ADAM12: variants seen among roughly 807,000 people sequenced by gnomAD.
ADAM12 encodes the protein ADAM metallopeptidase domain 12.
Under a neutral mutation model 106.4 loss-of-function variants are expected in ADAM12, and 70 were observed. The observed-to-expected ratio is 0.66, with a 90% CI of 0.54 to 0.80. ADAM12 has a LOEUF of 0.80. ADAM12 is among the 30% of genes least tolerant of loss of function. ADAM12 has a pLI of 0.00. For synonymous variants in ADAM12, 420 were observed against 433.5 expected, an observed-to-expected ratio of 0.97 and a Z score of 0.39; for missense variants, 1,010 against 1,171.9, an observed-to-expected ratio of 0.86 and a Z score of 2.02.
intron 6 of ADAM12, among the ~76,000 whole-genome samples, chr10:126,110,974 G>A (rs1371151597): frequency 1.3e-5 from 2 of 152,118 alleles, no homozygotes; most frequent in Non-Finnish European, 2.9e-5. Context: ...CACTCTTTCA[G>A]ACAAAAGCAA....
chr10:126,162,545 C>T (rs551823188), intron 3 of ADAM12, among the ~76,000 whole-genome samples: 2 of 152,246 alleles, frequency 1.3e-5, no homozygotes, highest in South Asian at 4.1e-4. Flanking sequence ...AGCCGCCAAA[C>T]ACGGAAGGGA....
chr10:126,051,502 C>T (rs1165147041), intron 14 of ADAM12, among the ~76,000 whole-genome samples: 4 of 38,462 alleles, frequency 1.0e-4, no homozygotes, highest in Non-Finnish European at 2.6e-4. Flanking sequence ...TCCATCCACC[C>T]GTCCATCCAT....
chr10:126,326,249 T>C (rs374012912), intron 2 of ADAM12, among the ~76,000 whole-genome samples: 1 of 152,036 alleles, frequency 6.6e-6, no homozygotes, highest in Non-Finnish European at 1.5e-5. Flanking sequence ...CCTCAAACCA[T>C]TTAAATTAAC....
intron 2 of ADAM12, among the ~76,000 whole-genome samples, chr10:126,295,938 C>A (rs951003946): frequency 2.0e-5 from 3 of 151,880 alleles, no homozygotes; most frequent in Non-Finnish European, 4.4e-5. Flanking sequence ...CATAAACACA[C>A]ACACACATAA....
At chr10:126,358,578 G>T (rs143291651) in intron 1 of ADAM12, among the ~76,000 whole-genome samples, 1 of 152,024 alleles carries the variant, frequency 6.6e-6, no homozygotes, top group African/African-American at 2.4e-5. Flanking sequence ...TCTAAGATCC[G>T]GAACAAGACA....
In ADAM12 at chr10:126,098,449, C is replaced by T; in HGVS notation, c.963G>A (p.Met321Ile). The T allele has an allele frequency of 1.9e-6, 3 of 1,614,170 alleles. 1 individual carries two copies. The South Asian group carries it at 3.3e-5, about 18-fold the overall frequency. ...TTCCCCCAGACTGGTCTGCCGTGCA[C>T]ATGCTCATGATTGGGGCCATGCCGA... ...TTIGMAPIMS[M>I]CTADQSGGIV... Residue 321 changes from methionine to isoleucine, a missense_variant, in exon 10 of 23, where the codon ATG becomes ATA. Around this residue, in one of 3 missense-constraint regions of ADAM12, gnomAD observed 391 missense variants for 442.9 expected, o/e 0.88. Coordinates refer to ENST00000448723, the MANE Select transcript of ADAM12 (RefSeq NM_001288973.2).
At chr10:126,130,076 TC>T (rs1362801013) in intron 5 of ADAM12, among the ~76,000 whole-genome samples, 7 of 152,206 alleles carry the variant, frequency 4.6e-5, no homozygotes. Flanking sequence ...CACCCCAGCT[TC>T]CCTCCAGGTT....
intron 3 of ADAM12, among the ~76,000 whole-genome samples, chr10:126,202,514 TCTCTCTCTTTAA>T (rs1437021830): frequency 1.3e-5 from 2 of 152,136 alleles, no homozygotes; most frequent in Non-Finnish European, 2.9e-5. Flanking sequence ...TCTCTCTCTC[TCTCTCTCTTTAA>T]CCAGAAGAAG....
rs372970208 is a variant in ADAM12, at chr10:126,098,542, C to T, written c.912-42G>A. 7.8e-5 allele frequency: 117 copies of T among 1,505,518 alleles called. 1 individual carries two copies. The highest frequency in any genetic ancestry group is 5.6e-4 in the South Asian group (49 of 88,050). The allele number at this position is 1,505,518 out of a possible 1,614,324, so 93.3% of individuals were successfully genotyped here. A position where few individuals can be genotyped will look rare whatever the true frequency, so the allele number is the denominator to read the frequency against. On this transcript the variant is annotated intron_variant, in intron 9 of 22. Transcript: ENST00000448723. ...AGGACTTTCTTTAATCAAATTAGAA[C>T]GGGGGCATTCTCTAATATTTAAAAA...
intron 3 of ADAM12, among the ~76,000 whole-genome samples, chr10:126,263,708 T>C (rs1024152036): frequency 6.6e-6 from 1 of 152,200 alleles, no homozygotes; most frequent in Non-Finnish European, 1.5e-5. Flanking sequence ...TATGATAGGG[T>C]AAAAACCAAT....
intron 3 of ADAM12, among the ~76,000 whole-genome samples, chr10:126,177,493 C>A (rs1457120890): frequency 6.6e-6 from 1 of 152,164 alleles, no homozygotes; most frequent in Non-Finnish European, 1.5e-5. Flanking sequence ...TAAGACCACA[C>A]AGCTAATAAA....
chr10:126,137,078 A>T (rs1956418793), intron 4 of ADAM12, among the ~76,000 whole-genome samples: 1 of 152,140 alleles, frequency 6.6e-6, no homozygotes, highest in African/African-American at 2.4e-5. Flanking sequence ...TCTGACAATT[A>T]GCTCTTTAAT....
At chr10:126,268,870 C>T (rs72828714) in intron 3 of ADAM12, among the ~76,000 whole-genome samples, 7,737 of 152,234 alleles carry the variant, frequency 0.051, 285 homozygotes, top group Admixed American at 0.11. Flanking sequence ...GGTTCCCGAT[C>T]CAGACCCCAA....
intron 8 of ADAM12, among the ~76,000 whole-genome samples, chr10:126,104,239 T>G (rs1955721368): frequency 6.6e-6 from 1 of 151,956 alleles, no homozygotes; most frequent in African/African-American, 2.4e-5. Context: ...CACTTGAGGT[T>G]AGGAGTTTGA....
intron 21 of ADAM12, among the ~76,000 whole-genome samples, chr10:126,032,547 C>G (rs1022606763): frequency 6.6e-6 from 1 of 152,094 alleles, no homozygotes; most frequent in East Asian, 1.9e-4. Context: ...AAAAAAACAC[C>G]AGCAGTAGGA....
In ADAM12 at chr10:126,152,740, C is replaced by T. The variant is rs116857387; in HGVS notation, c.339+2487G>A. On this transcript the variant is annotated intron_variant, in intron 4 of 22. Transcript: ENST00000448723. The stretch of plus-strand genomic sequence containing the variant: ...TGTTTTCATTTTTACAAAGAGATTC[C>T]ATCTATTTACATATAATGAGATTAA... 3.5e-3 allele frequency among the ~76,000 whole-genome samples: 538 copies of T among 151,936 alleles called. 2 individuals carry two copies. The highest frequency in any genetic ancestry group is 6.6e-3 in the Non-Finnish European group (447 of 67,894).
At chr10:126,140,455 C>G (rs1404051230) in intron 4 of ADAM12, among the ~76,000 whole-genome samples, 2 of 152,132 alleles carry the variant, frequency 1.3e-5, no homozygotes, top group Non-Finnish European at 2.9e-5. Flanking sequence ...TGAAGTATTG[C>G]TTATGAGGGA....
intron 4 of ADAM12, 100 bp downstream of exon 4, chr10:126,155,127 G>T: frequency 7.5e-7 from 1 of 1,330,674 alleles, no homozygotes; most frequent in African/African-American, 1.5e-5. Context: ...CCTAAGTTAA[G>T]AATCTGGGCA....
intron 3 of ADAM12, among the ~76,000 whole-genome samples, chr10:126,182,615 T>C (rs552127537): frequency 6.6e-6 from 1 of 152,268 alleles, no homozygotes; most frequent in African/African-American, 2.4e-5. Context: ...AGAGAGAGCC[T>C]GTGCCAGGAT....
Sources: gnomAD v4.1 joint callset for allele counts (sites outside exome capture counted in the v4.1 genomes callset) on GRCh38, gnomAD v4.1.1 for gene constraint, gnomAD v4.1.1 regional missense constraint, MANE v1.5 for transcripts, NCBI Gene and HGNC (gene_info 2026-07-23, HGNC 2026-07-21) for gene names.